MLIP: variants seen among roughly 807,000 people sequenced by gnomAD.
MLIP encodes the protein muscular LMNA interacting protein.
In MLIP, 79 loss-of-function variants were observed where a neutral mutation model predicts 84.8. That is an observed-to-expected ratio of 0.93 (90% CI 0.78 to 1.12). The LOEUF is 1.12. MLIP is among the 50% of genes most tolerant of loss of function. The pLI, the probability that MLIP is intolerant of heterozygous loss-of-function variation, is 0.00. For missense variants in MLIP, 1,257 were observed against 1,160.6 expected (o/e 1.08, Z -1.21); for synonymous variants, 504 against 463.0 (o/e 1.09, Z -1.14).
At chr6:54,185,750 T>C (rs1486725319) in intron 9 of MLIP, among the ~76,000 whole-genome samples, 1 of 152,156 alleles carries the variant, frequency 6.6e-6, no homozygotes, top group African/African-American at 2.4e-5. Flanking sequence ...AGGGGATCAA[T>C]AGAGAATGCT....
intron 1 of MLIP, among the ~76,000 whole-genome samples, chr6:54,073,891 T>C (rs1582078406): frequency 6.6e-6 from 1 of 152,366 alleles, no homozygotes; most frequent in East Asian, 1.9e-4. Context: ...TTATATTTAA[T>C]TACTTATTTT....
At chr6:54,148,870 G>A (rs1482979439) in intron 4 of MLIP, among the ~76,000 whole-genome samples, 186 bp from the exon 5 acceptor site, 4 of 152,044 alleles carry the variant, frequency 2.6e-5, no homozygotes, top group Non-Finnish European at 5.9e-5. Context: ...GCATTTCTTC[G>A]CTTCTCATTC....
chr6:54,134,328 C>A (rs1771630390), intron 3 of MLIP, among the ~76,000 whole-genome samples: 1 of 151,858 alleles, frequency 6.6e-6, no homozygotes, highest in Admixed American at 6.6e-5. Context: ...AAAAAGAATC[C>A]TTCACCCCTG....
At chr6:54,048,925 G>C (rs982542505) in intron 1 of MLIP, among the ~76,000 whole-genome samples, 9 of 152,140 alleles carry the variant, frequency 5.9e-5, no homozygotes, top group African/African-American at 2.2e-4. Flanking sequence ...AGTACTCAAG[G>C]CTGGTCTTGA....
At chr6:54,058,478 C>A (rs905381909) in intron 1 of MLIP, among the ~76,000 whole-genome samples, 4 of 152,172 alleles carry the variant, frequency 2.6e-5, no homozygotes, top group African/African-American at 9.7e-5. Flanking sequence ...TTTATCTAAC[C>A]AGCACTGATG....
At chr6:54,116,843 A>C (rs1237057115) in intron 1 of MLIP, among the ~76,000 whole-genome samples, 1 of 152,242 alleles carries the variant, frequency 6.6e-6, no homozygotes, top group Non-Finnish European at 1.5e-5. Flanking sequence ...CAAAAATTTC[A>C]ACAAAGTGCT....
intron 3 of MLIP, 44 bp downstream of exon 3, chr6:54,124,909 T>G: frequency 6.6e-7 from 1 of 1,512,750 alleles, no homozygotes; most frequent in Non-Finnish European, 8.8e-7. Context: ...AAAAAAGCGT[T>G]TATGCACCCT....
chr6:54,257,227 A>T, intron 12 of MLIP, 81 bp from the exon 13 acceptor site: 1 of 949,692 alleles, frequency 1.1e-6, no homozygotes, highest in Non-Finnish European at 1.7e-6. Context: ...TGTCATTGTC[A>T]ATCTGTTTAA....
intron 1 of MLIP, among the ~76,000 whole-genome samples, chr6:54,094,138 C>G (rs1768050449): frequency 6.6e-6 from 1 of 151,936 alleles, no homozygotes; most frequent in Admixed American, 6.6e-5. Flanking sequence ...TTAATAACAG[C>G]AATAATAATA....
chr6:54,260,729 G>A (rs1257688275), intron 13 of MLIP, among the ~76,000 whole-genome samples: 1 of 151,942 alleles, frequency 6.6e-6, no homozygotes, highest in African/African-American at 2.4e-5. Flanking sequence ...GATTAATTTT[G>A]AGAGATCTGT....
At chr6:54,248,052 G>A (rs752899014) in intron 12 of MLIP, among the ~76,000 whole-genome samples, 1 of 151,966 alleles carries the variant, frequency 6.6e-6, no homozygotes, top group Non-Finnish European at 1.5e-5. Context: ...ATTAACGCAG[G>A]GGCAGGATTC....
chr6:54,216,131 A>G (rs1179656299), intron 11 of MLIP: 2 of 983,904 alleles, frequency 2.0e-6, no homozygotes, highest in Non-Finnish European at 2.4e-6. Flanking sequence ...TGGTTGAATG[A>G]AATACTCACT....
chr6:54,070,452 A>C (rs1290056100), intron 1 of MLIP, among the ~76,000 whole-genome samples: 1 of 152,192 alleles, frequency 6.6e-6, no homozygotes, highest in Non-Finnish European at 1.5e-5. Context: ...AATGATTTCC[A>C]AGCTGATAGC....
chr6:54,136,134 T>C (rs1393139497), intron 3 of MLIP, among the ~76,000 whole-genome samples: 2 of 152,188 alleles, frequency 1.3e-5, no homozygotes, highest in African/African-American at 4.8e-5. Context: ...AATTTGGACT[T>C]TGCTTTCACT....
In MLIP at chr6:54,098,201, G is replaced by T. The variant is rs183070417; in HGVS notation, c.64-23246G>T. Among the ~76,000 whole-genome samples, 187 of 147,416 alleles carry T rather than the reference G, an allele frequency of 1.3e-3. 1 individual carries two copies. The highest frequency in any genetic ancestry group is 4.4e-3 in the African/African-American group (177 of 39,968). On this transcript the variant is annotated intron_variant, in intron 1 of 12. Transcript: ENST00000274897. ...GACGGGATCTCAAAATTTTACCCAG[G>T]CTGGAGTGAAGTGGCACGATCATAG...
intron 5 of MLIP, 147 bp from the exon 6 acceptor site, chr6:54,160,220 G>A (rs1582330001): frequency 1.5e-6 from 1 of 649,988 alleles, no homozygotes; most frequent in East Asian, 2.8e-5. Flanking sequence ...AAAGAAAAAT[G>A]TCTTCATGTT....
At chr6:54,180,065 A>G (rs892888899) in intron 9 of MLIP, among the ~76,000 whole-genome samples, 1 of 152,076 alleles carries the variant, frequency 6.6e-6, no homozygotes, top group African/African-American at 2.4e-5. Flanking sequence ...TTTTCACCAG[A>G]TATACTATTC....
In MLIP at chr6:54,155,090, A is replaced by T. The variant is rs1281690821; in HGVS notation, c.2290-5277A>T. ...GTAAAATCACCAACTAGAGTTCTTC[A>T]GTTCTTGATATTTTTAAACCAATCA... On this transcript the variant is annotated intron_variant, in intron 5 of 13. Transcript: ENST00000502396. 2.0e-5 allele frequency among the ~76,000 whole-genome samples: 3 copies of T among 152,142 alleles called. No homozygotes were observed. In the East Asian group the frequency reaches 5.8e-4, roughly 29 times the overall value.
intron 8 of MLIP, among the ~76,000 whole-genome samples, chr6:54,166,318 G>C (rs1424398630): frequency 6.6e-6 from 1 of 151,762 alleles, no homozygotes; most frequent in Admixed American, 6.6e-5. Flanking sequence ...GTTGTGATGG[G>C]GATGAATTTG....
Sources: allele counts gnomAD v4.1 joint callset (sites outside exome capture counted in the v4.1 genomes callset), GRCh38; gene constraint gnomAD v4.1.1; transcripts MANE v1.5; gene names NCBI Gene and HGNC (gene_info 2026-07-23, HGNC 2026-07-21).